The following RANBP2 variants were observed in gnomAD, a reference collection of about 807,000 sequenced individuals.
RANBP2 encodes the protein RAN binding protein 2.
Under a neutral mutation model 303.6 loss-of-function variants are expected in RANBP2, and 57 were observed. The observed-to-expected ratio is 0.19, with a 90% CI of 0.15 to 0.23. The LOEUF (loss-of-function observed/expected upper bound fraction) is 0.23, where lower values mean the gene tolerates loss of function less well. Among genes scored for constraint, RANBP2 ranks in the 10% least tolerant of loss-of-function variants. The pLI is 1.00. For missense variants in RANBP2, 3,138 were observed against 3,780.8 expected (o/e 0.83, Z 4.46); for synonymous variants, 1,167 against 1,301.5 (o/e 0.90, Z 2.23).
chr2:109,587,612 C>G, the RANBP2 span, among the ~76,000 whole-genome samples: 1 of 152,068 alleles, frequency 6.6e-6, no homozygotes, highest in Non-Finnish European at 1.5e-5. Flanking sequence ...TGCTAAAAAA[C>G]AAGGATAATG....
the RANBP2 span, among the ~76,000 whole-genome samples, chr2:109,620,826 C>A: frequency 6.6e-6 from 1 of 152,180 alleles, no homozygotes; most frequent in Non-Finnish European, 1.5e-5. Context: ...ACTACTTATT[C>A]TGTGAAATCC....
At chr2:108,937,176 A>G in the RANBP2 span, among the ~76,000 whole-genome samples, 1 of 152,348 alleles carries the variant, frequency 6.6e-6, no homozygotes, top group East Asian at 1.9e-4. Context: ...ACAGCATCAC[A>G]TGGGGGTTTA....
At chr2:109,216,623 T>C in the RANBP2 span, among the ~76,000 whole-genome samples, 7 of 152,206 alleles carry the variant, frequency 4.6e-5, no homozygotes, top group African/African-American at 1.7e-4. Context: ...CCATGCTCTG[T>C]AGGCTGATGG....
At chr2:109,276,673 T>A in the RANBP2 span, among the ~76,000 whole-genome samples, 1 of 152,214 alleles carries the variant, frequency 6.6e-6, no homozygotes, top group Non-Finnish European at 1.5e-5. Flanking sequence ...CAGACAAATA[T>A]TCTAAGTCAG....
At chr2:108,813,399 G>A in the RANBP2 span, among the ~76,000 whole-genome samples, 2 of 151,656 alleles carry the variant, frequency 1.3e-5, no homozygotes, top group Non-Finnish European at 2.9e-5. Flanking sequence ...TTTTTAATAG[G>A]GAAATATCTC....
At chr2:109,358,421 G>A in the RANBP2 span, among the ~76,000 whole-genome samples, 1,563 of 152,332 alleles carry the variant, frequency 0.01, 34 homozygotes, top group African/African-American at 0.036. Context: ...ACTAAGGAGT[G>A]TGATTACTAG....
the RANBP2 span, chr2:109,614,851 C>T: frequency 7.1e-7 from 1 of 1,399,898 alleles, no homozygotes; most frequent in Non-Finnish European, 9.2e-7. Context: ...CTCCCCGACG[C>T]GGCGGCCCCG....
chr2:109,671,654 G>C, the RANBP2 span, among the ~76,000 whole-genome samples: 1 of 152,086 alleles, frequency 6.6e-6, no homozygotes, highest in Non-Finnish European at 1.5e-5. Flanking sequence ...AATTTAGGGG[G>C]TGTATCTTTT....
the RANBP2 span, among the ~76,000 whole-genome samples, chr2:109,466,917 A>G: frequency 0.016 from 2,466 of 151,864 alleles, 70 homozygotes; most frequent in African/African-American, 0.057. Flanking sequence ...GTGTGTCTAT[A>G]TGTGTATGTA....
chr2:108,823,855 T>TATTTTTAGTAAA, the RANBP2 span, among the ~76,000 whole-genome samples: 1 of 152,066 alleles, frequency 6.6e-6, no homozygotes, highest in Non-Finnish European at 1.5e-5. Flanking sequence ...CGGGCATCTG[T>TATTTTTAGTAAA]AATCCCAGCT....
At chr2:109,211,591 G>A in the RANBP2 span, among the ~76,000 whole-genome samples, 2 of 152,156 alleles carry the variant, frequency 1.3e-5, no homozygotes, top group Non-Finnish European at 2.9e-5. Context: ...GCACAGCAGT[G>A]GGGAGCATTA....
chr2:108,968,186 G>A, the RANBP2 span, among the ~76,000 whole-genome samples: 4 of 152,096 alleles, frequency 2.6e-5, no homozygotes, highest in African/African-American at 9.7e-5. Flanking sequence ...TCTTCTCAAA[G>A]TGGGGTCCAC....
chr2:109,215,039 C>G, the RANBP2 span, among the ~76,000 whole-genome samples: 1 of 152,226 alleles, frequency 6.6e-6, no homozygotes, highest in African/African-American at 2.4e-5. Flanking sequence ...TTTTGTACTT[C>G]TAACCAGTAA....
chr2:109,249,536 C>CTTTCTTTTTCTTTCT, the RANBP2 span, among the ~76,000 whole-genome samples: 13 of 74,106 alleles, frequency 1.8e-4, no homozygotes, highest in Non-Finnish European at 2.8e-4. Context: ...TCTTTCTTTC[C>CTTTCTTTTTCTTTCT]TTCCTTCCTT....
chr2:108,865,062 A>G, the RANBP2 span, among the ~76,000 whole-genome samples: 5 of 152,172 alleles, frequency 3.3e-5, no homozygotes, highest in African/African-American at 1.2e-4. Context: ...GGAGGGAACA[A>G]CTGCAGACAC....
the RANBP2 span, among the ~76,000 whole-genome samples, chr2:109,522,459 G>A: frequency 1.3e-5 from 2 of 151,998 alleles, no homozygotes; most frequent in Non-Finnish European, 2.9e-5. Context: ...ACCATGCCCA[G>A]CTAATTTTTG....
the RANBP2 span, chr2:109,613,746 C>T: frequency 8.6e-7 from 1 of 1,167,680 alleles, no homozygotes; most frequent in Non-Finnish European, 1.1e-6. Flanking sequence ...GCGGGAAGTC[C>T]CGCGGGGGCC....
At chr2:109,305,689 G>A in the RANBP2 span, among the ~76,000 whole-genome samples, 1 of 152,218 alleles carries the variant, frequency 6.6e-6, no homozygotes, top group East Asian at 1.9e-4. Flanking sequence ...GCCTGTCACT[G>A]TACACTCCTT....
the RANBP2 span, among the ~76,000 whole-genome samples, chr2:109,377,665 G>A: frequency 8.3e-4 from 126 of 152,236 alleles, no homozygotes; most frequent in African/African-American, 2.9e-3. Flanking sequence ...CAGAAAAATA[G>A]CAGGAGTTCC....
Sources: allele counts gnomAD v4.1 joint callset (sites outside exome capture counted in the v4.1 genomes callset), GRCh38; gene constraint gnomAD v4.1.1; transcripts MANE v1.5; gene names NCBI Gene and HGNC (gene_info 2026-07-23, HGNC 2026-07-21).